Variants in QSER1 observed in about 807,000 individuals in gnomAD.
The protein encoded by QSER1 is glutamine and serine-rich protein 1.
In QSER1, 49 loss-of-function variants were observed where a neutral mutation model predicts 158.5. That is an observed-to-expected ratio of 0.31 (90% CI 0.25 to 0.39). The LOEUF (loss-of-function observed/expected upper bound fraction) is 0.39, where lower values mean the gene tolerates loss of function less well. Ranked by LOEUF, QSER1 falls within the 10% of genes least tolerant of loss-of-function variation. QSER1 has a pLI of 1.00. For missense variants in QSER1, 1,754 were observed against 2,010.3 expected (o/e 0.87, Z 2.44); for synonymous variants, 650 against 715.5 (o/e 0.91, Z 1.46).
At chr11:32,947,447 A>C (rs908648986) in intron 4 of QSER1, among the ~76,000 whole-genome samples, 8 of 152,140 alleles carry the variant, frequency 5.3e-5, no homozygotes, top group African/African-American at 1.7e-4. Flanking sequence ...TTATTTAATA[A>C]ATGATATTAG....
chr11:32,975,488 A>G (rs774136791), intron 12 of QSER1, 145 bp downstream of exon 12: 2 of 1,498,062 alleles, frequency 1.3e-6, no homozygotes, highest in South Asian at 2.4e-5. Flanking sequence ...TAATGACTTG[A>G]TTTATTGTTC....
At chr11:32,931,608 C>A in intron 3 of QSER1, 135 bp from the exon 4 acceptor site, 1 of 614,982 alleles carries the variant, frequency 1.6e-6, no homozygotes, top group Non-Finnish European at 2.7e-6. Context: ...TCAAAATTTA[C>A]ATGCAGAACT....
chr11:32,908,303 A>G (rs542386165), intron 1 of QSER1, among the ~76,000 whole-genome samples: 2 of 152,358 alleles, frequency 1.3e-5, no homozygotes, highest in African/African-American at 4.8e-5. Flanking sequence ...AGCCAAGCAT[A>G]TGCCATATCA....
intron 1 of QSER1, among the ~76,000 whole-genome samples, chr11:32,922,449 A>ATAC (rs1851910482): frequency 6.6e-6 from 1 of 151,238 alleles, no homozygotes; most frequent in Non-Finnish European, 1.5e-5. Flanking sequence ...AGATGGTGAG[A>ATAC]TACTTATTGT....
chr11:32,926,582 AT>A (rs1345015708), intron 1 of QSER1: 2 of 152,194 alleles, frequency 1.3e-5, no homozygotes, highest in African/African-American at 4.8e-5. Context: ...AAATAAAAAC[AT>A]AACCTTTCCT....
chr11:32,926,922 T>C (rs1851980249), intron 1 of QSER1: 1 of 152,208 alleles, frequency 6.6e-6, no homozygotes, highest in Non-Finnish European at 1.5e-5. Context: ...AAAAGACTCT[T>C]GTTTGAGGTA....
chr11:32,924,237 TCA>T (rs1343807848), intron 1 of QSER1, among the ~76,000 whole-genome samples: 1 of 59,510 alleles, frequency 1.7e-5, no homozygotes, highest in Non-Finnish European at 4.6e-5. Context: ...TCTTGATAAT[TCA>T]CACTGAGCAA....
At chr11:32,969,825 C>T (rs1446208424) in intron 10 of QSER1, among the ~76,000 whole-genome samples, 1 of 151,944 alleles carries the variant, frequency 6.6e-6, no homozygotes, top group Non-Finnish European at 1.5e-5. Context: ...GCTGGGACTA[C>T]AGGTGCCCAC....
At chr11:32,908,840 G>T (rs1820730056) in intron 1 of QSER1, among the ~76,000 whole-genome samples, 1 of 152,112 alleles carries the variant, frequency 6.6e-6, no homozygotes, top group African/African-American at 2.4e-5. Context: ...CTCCCCTAAA[G>T]TGGTTGTACC....
At chr11:32,897,164 A>G (rs1278121568) in intron 1 of QSER1, among the ~76,000 whole-genome samples, 1 of 152,212 alleles carries the variant, frequency 6.6e-6, no homozygotes, top group Non-Finnish European at 1.5e-5. Flanking sequence ...CATTATAAAA[A>G]TCCTTTGAGG....
chr11:32,926,774 G>T (rs910643416), intron 1 of QSER1: 1 of 152,024 alleles, frequency 6.6e-6, no homozygotes, highest in Non-Finnish European at 1.5e-5. Flanking sequence ...TTTTTATACA[G>T]ATGAAATTAG....
chr11:32,966,891 T>C lies in QSER1; in HGVS notation c.5107+454T>C, dbSNP rs192826199. Among the ~76,000 whole-genome samples the C allele has an allele frequency of 2.5e-3, 384 of 152,328 alleles. 4 individuals are homozygous for C. Among genetic ancestry groups the C allele is most frequent in the African/African-American group, 9.0e-3 (375 of 41,572 alleles). On this transcript the variant is annotated intron_variant, in intron 9 of 12. Coordinates refer to ENST00000650167, the MANE Select transcript of QSER1 (RefSeq NM_001076786.3). ...TTAAAATTAGTATTAAACCAGTAAATGCACTGGGTTATACCAATTAATATT... is the reference window on the plus strand; with the variant it reads ...TTAAAATTAGTATTAAACCAGTAAACGCACTGGGTTATACCAATTAATATT...
chr11:32,968,494 T>C (rs1852789912), intron 9 of QSER1, among the ~76,000 whole-genome samples: 1 of 152,238 alleles, frequency 6.6e-6, no homozygotes, highest in Non-Finnish European at 1.5e-5. Flanking sequence ...ATAATTTTAC[T>C]CTCCCCTCTT....
chr11:32,931,683 T>C, intron 3 of QSER1, 60 bp from the exon 4 acceptor site: 1 of 1,344,836 alleles, frequency 7.4e-7, no homozygotes, highest in Non-Finnish European at 1.0e-6. Context: ...GTCATTACTA[T>C]GAAAACATAA....
chr11:32,944,348 T>G (rs1852292170), intron 4 of QSER1, among the ~76,000 whole-genome samples: 1 of 146,698 alleles, frequency 6.8e-6, no homozygotes, highest in African/African-American at 2.5e-5. Context: ...TTTTGGATCT[T>G]TCCTGCTTTC....
intron 1 of QSER1, among the ~76,000 whole-genome samples, chr11:32,919,739 C>G (rs952441924): frequency 5.3e-4 from 80 of 152,296 alleles, no homozygotes; most frequent in African/African-American, 1.9e-3. Context: ...AGAGAATCTA[C>G]ATAAATTAAT....
At chr11:32,973,817 T>C (rs1235739041) in intron 11 of QSER1, among the ~76,000 whole-genome samples, 4 of 152,238 alleles carry the variant, frequency 2.6e-5, no homozygotes, top group African/African-American at 9.6e-5. Flanking sequence ...CATGTTTATA[T>C]ATTTGTAGGT....
chr11:32,968,349 A>G (rs1852787061), intron 9 of QSER1, among the ~76,000 whole-genome samples: 1 of 152,166 alleles, frequency 6.6e-6, no homozygotes, highest in South Asian at 2.1e-4. Flanking sequence ...TGGTAAATTA[A>G]GAAAGAATCT....
chr11:32,936,918 G>A (rs1235970025), intron 4 of QSER1, among the ~76,000 whole-genome samples: 1 of 152,038 alleles, frequency 6.6e-6, no homozygotes, highest in African/African-American at 2.4e-5. Flanking sequence ...CATTACACAG[G>A]GAAATTAACA....
Sources: gnomAD v4.1 joint callset for allele counts (sites outside exome capture counted in the v4.1 genomes callset) on GRCh38, gnomAD v4.1.1 for gene constraint, MANE v1.5 for transcripts, NCBI Gene and HGNC (gene_info 2026-07-23, HGNC 2026-07-21) for gene names.